COL11A1: variants seen among roughly 807,000 people sequenced by gnomAD.
COL11A1 encodes collagen type XI alpha 1 chain, also known as collagen alpha-1(XI) chain.
Under a neutral mutation model 265.2 loss-of-function variants are expected in COL11A1, and 74 were observed. That is an observed-to-expected ratio of 0.28 (90% CI 0.23 to 0.34). The LOEUF (loss-of-function observed/expected upper bound fraction) is 0.34. COL11A1 is among the 10% of genes least tolerant of loss of function. The pLI, the probability that COL11A1 is intolerant of heterozygous loss-of-function variation, is 1.00. For synonymous variants in COL11A1, 816 were observed against 727.6 expected (o/e 1.12, Z -1.96); for missense variants, 2,165 against 2,263.6 (o/e 0.96, Z 0.88).
At chr1:103,050,556 G>A (rs1176269602) in intron 4 of COL11A1, among the ~76,000 whole-genome samples, 2 of 151,968 alleles carry the variant, frequency 1.3e-5, no homozygotes, top group Non-Finnish European at 2.9e-5. Context: ...ACTTCCTCCT[G>A]TGGCTCGGAG....
At position 103,017,848 on chromosome 1, in the gene COL11A1, G is replaced by C. The variant is rs751356715; in HGVS notation, c.1385C>G (p.Thr462Ser). 3 of 1,613,098 alleles carry C rather than the reference G, an allele frequency of 1.9e-6. No homozygotes were observed. In the East Asian group the frequency reaches 6.7e-5, roughly 36 times the overall value. The change falls in exon 11 of 67, where the codon ACT (threonine) becomes AGT (serine). Residue 462 changes from threonine (T) to serine (S), a missense_variant. Physicochemically the swap from Thr to Ser is moderately conservative, Grantham distance 58. Transcript: ENST00000370096. Reference sequence around the variant, plus strand: ...ATCGCCAGGGTCACCAGGGGGTCCAGTGGGGCCTTGTAGACCTGGAGGACC... The same window carrying C: ...ATCGCCAGGGTCACCAGGGGGTCCACTGGGGCCTTGTAGACCTGGAGGACC... ...IMGPPGLQGP[T>S]GPPGDPGDRG...
intron 2 of COL11A1, 39 bp downstream of exon 2, chr1:103,082,766 T>G (rs1215375067): frequency 6.5e-7 from 1 of 1,535,040 alleles, no homozygotes; most frequent in Admixed American, 1.7e-5. Context: ...GTAATAACTT[T>G]TAGTAATAAT....
At chr1:102,949,889 AAAAC>A (rs1272647484) in intron 41 of COL11A1, among the ~76,000 whole-genome samples, 1 of 152,210 alleles carries the variant, frequency 6.6e-6, no homozygotes, top group African/African-American at 2.4e-5. Flanking sequence ...AACATTGTGT[AAAAC>A]AAACAAAAAA....
chr1:103,093,383 A>G lies in COL11A1; in HGVS notation c.107-10411T>C, dbSNP rs113099967. Among the ~76,000 whole-genome samples the G allele has an allele frequency of 3.7e-3, 560 of 152,228 alleles. 6 individuals are homozygous for G. The highest frequency in any genetic ancestry group is 0.012 in the African/African-American group (487 of 41,552). Reference sequence around the variant, plus strand: ...TACCATTAGAAAAACCACTGAGGAGAAAGAATAGCTGCCTGAACAGGTTTT... The same window carrying G: ...TACCATTAGAAAAACCACTGAGGAGGAAGAATAGCTGCCTGAACAGGTTTT... On this transcript the variant is annotated intron_variant, in intron 1 of 66. Transcript: ENST00000370096.
Position 102,893,065 on chromosome 1 carries a change from G to T in COL11A1, c.4303-2561C>A, listed in dbSNP as rs200413274. ...GTTATCTCCCCATTACTGGGGCTTT[G>T]CTCTCCATAGTAAAAATTGTATAAA... On this transcript the variant is annotated intron_variant, in intron 57 of 66. Transcript: ENST00000370096. 3.9e-5 allele frequency among the ~76,000 whole-genome samples: 6 copies of T among 152,198 alleles called. No homozygotes were observed. In the East Asian group the frequency reaches 1.2e-3, roughly 29 times the overall value.
At chr1:103,028,942 T>C (rs1286640777) in intron 5 of COL11A1, among the ~76,000 whole-genome samples, 6 of 152,108 alleles carry the variant, frequency 3.9e-5, no homozygotes, top group Non-Finnish European at 7.4e-5. Flanking sequence ...CCCAACTCCA[T>C]CATAATTTTA....
chr1:103,002,096 C>A, intron 23 of COL11A1, 127 bp from the exon 24 acceptor site: 1 of 827,354 alleles, frequency 1.2e-6, no homozygotes, highest in Non-Finnish European at 2.0e-6. Context: ...TCCCATACAC[C>A]CCAAGGAATT....
At chr1:103,036,386 T>A (rs1349464874) in intron 4 of COL11A1, among the ~76,000 whole-genome samples, 2 of 147,258 alleles carry the variant, frequency 1.4e-5, no homozygotes, top group Non-Finnish European at 3.0e-5. Flanking sequence ...TTATATATAA[T>A]ATAAATATAT....
chr1:103,003,233 T>C lies in COL11A1; in HGVS notation c.1980A>G (p.Pro660=). Residue 660 remains proline (P), a synonymous_variant, in exon 21 of 67, where the codon CCA becomes CCG. Coordinates refer to ENST00000370096, the MANE Select transcript of COL11A1 (RefSeq NM_001854.4). ...TACATACAGGCTGCCCTGGAGCTCC[T>C]GGAGTTCCCCTTGGACCCAGCAAAC... ...PRGLLGPRGT[P]GAPGQPGMAG... The C allele has an allele frequency of 6.2e-7, 1 of 1,613,528 alleles. No individual in the cohort carries two copies.
At chr1:103,053,016 G>T (rs920713306) in intron 4 of COL11A1, among the ~76,000 whole-genome samples, 1 of 152,130 alleles carries the variant, frequency 6.6e-6, no homozygotes, top group African/African-American at 2.4e-5. Context: ...TTAAAAGGGG[G>T]AAATAAAACT....
intron 48 of COL11A1, 132 bp from the exon 49 acceptor site, chr1:102,920,496 T>A (rs1458667416): frequency 2.7e-6 from 2 of 736,764 alleles, no homozygotes; most frequent in Admixed American, 2.2e-5. Flanking sequence ...AGAATGAGAC[T>A]AAATGATGCT....
intron 57 of COL11A1, among the ~76,000 whole-genome samples, chr1:102,896,656 G>A (rs1456042462): frequency 7.2e-5 from 11 of 152,106 alleles, no homozygotes; most frequent in African/African-American, 2.7e-4. Flanking sequence ...GTCCTCTTGC[G>A]CTGTAAACTC....
At chr1:102,927,492 G>T (rs540651073) in intron 46 of COL11A1, among the ~76,000 whole-genome samples, 138 of 152,184 alleles carry the variant, frequency 9.1e-4, no homozygotes, top group Middle Eastern at 3.4e-3. Flanking sequence ...TGAGGTGGGC[G>T]GATCACGAGG....
At chr1:102,995,813 ATG>A (rs777700476) in intron 28 of COL11A1, 49 bp downstream of exon 28, 2 of 1,416,534 alleles carry the variant, frequency 1.4e-6, no homozygotes, top group African/African-American at 2.8e-5. Context: ...ATAAATTTAA[ATG>A]TTAACATAAT....
rs10627254 is a variant in COL11A1, at chr1:102,964,587, GGTGTGTGTGT to G, written c.2916+890_2916+899del. On this transcript the variant is annotated intron_variant, in intron 38 of 66. Transcript: ENST00000370096. ...GATGCAGTTTTGTTGTTTCTCTAGG[GGTGTGTGTGT>G]GTGTGTGTGTGTGTATGTGTTTGGA... 4.2e-4 allele frequency among the ~76,000 whole-genome samples: 63 copies of G among 149,524 alleles called. No homozygotes were observed. The South Asian group carries it at 0.012, about 29-fold the overall frequency.
At chr1:102,889,703 A>G in intron 58 of COL11A1, 141 bp from the exon 59 acceptor site, 3 of 684,962 alleles carry the variant, frequency 4.4e-6, no homozygotes, top group South Asian at 3.5e-5. Context: ...ACCCTTCTGA[A>G]TGAAATATAC....
intron 4 of COL11A1, among the ~76,000 whole-genome samples, chr1:103,039,111 G>A (rs907579168): frequency 2.0e-5 from 3 of 152,138 alleles, no homozygotes; most frequent in African/African-American, 7.2e-5. Context: ...CTGGAGTAAG[G>A]TCAGTTTATC....
At chr1:102,919,800 G>C (rs569018744) in intron 49 of COL11A1, among the ~76,000 whole-genome samples, 81 of 152,122 alleles carry the variant, frequency 5.3e-4, no homozygotes, top group Non-Finnish European at 9.9e-4. Context: ...AAGTGACAAG[G>C]ATAGGTCAGA....
Position 102,961,879 on chromosome 1 carries a change from G to A in COL11A1, c.3155C>T (p.Pro1052Leu). The stretch of plus-strand genomic sequence containing the variant: ...CATCATACTTACAACTGGACCTGGT[G>A]GGCCCTGGGGACCTTCCCCTCCTTT... The part of the protein sequence containing the change: ...GLKGGEGPQG[P>L]PGPVGSPGER... Residue 1052 changes from proline (P) to leucine (L), a missense_variant, in exon 41 of 67, where the codon CCA becomes CTA. Physicochemically the swap from Pro to Leu is moderately conservative, Grantham distance 98 (BLOSUM62 -3). Transcript: ENST00000370096. The A allele has an allele frequency of 1.2e-6, 2 of 1,613,284 alleles. No homozygotes were observed. The highest frequency in any genetic ancestry group is 1.7e-5 in the Admixed American group (1 of 59,902).
Sources: allele counts gnomAD v4.1 joint callset (sites outside exome capture counted in the v4.1 genomes callset), GRCh38; gene constraint gnomAD v4.1.1; transcripts MANE v1.5; gene names NCBI Gene and HGNC (gene_info 2026-07-23, HGNC 2026-07-21).